The following CFAP54 variants were observed in gnomAD, a reference collection of about 807,000 sequenced individuals.
The protein encoded by CFAP54 is cilia and flagella associated protein 54, also known as cilia- and flagella-associated protein 54.
Under a neutral mutation model 370.4 loss-of-function variants are expected in CFAP54, and 290 were observed. The observed-to-expected ratio is 0.78, with a 90% confidence interval of 0.71 to 0.86. CFAP54 has a LOEUF of 0.86. CFAP54 is among the 40% of genes least tolerant of loss of function. CFAP54 has a pLI of 0.00. For missense variants in CFAP54, 3,399 were observed against 3,528.7 expected (o/e 0.96, Z 0.93); for synonymous variants, 1,206 against 1,236.5 (o/e 0.98, Z 0.52).
At position 96,815,675 on chromosome 12, in the gene CFAP54, TG is replaced by T. The variant is rs1346313383; in HGVS notation, c.8958-2096del. Among the ~76,000 whole-genome samples, 4 of 152,206 alleles carry T rather than the reference TG, an allele frequency of 2.6e-5. No homozygotes were observed. The East Asian group carries it at 7.7e-4, about 29-fold the overall frequency. ...GAATGGTATTGCCTAGGTTTTCTTTTGGGGTTTTTATGGTTTTAGGTTTTAC... is the reference window on the plus strand; with the variant it reads ...GAATGGTATTGCCTAGGTTTTCTTTTGGGTTTTTATGGTTTTAGGTTTTAC... On this transcript the variant is annotated intron_variant, in intron 64 of 67. Transcript: ENST00000524981.
chr12:96,512,884 A>G, intron 4 of CFAP54, 102 bp from the exon 5 acceptor site: 2 of 601,546 alleles, frequency 3.3e-6, no homozygotes, highest in Non-Finnish European at 2.7e-6. Context: ...TCCTCATAAG[A>G]TCACTTGTTT....
chr12:96,784,693 C>CA (rs774946604), intron 60 of CFAP54, 24 bp from the exon 61 acceptor site: 32 of 1,463,236 alleles, frequency 2.2e-5, no homozygotes, highest in Admixed American at 1.0e-4. Context: ...TATTGTATTA[C>CA]AAAAAAAAGT....
At chr12:96,777,040 G>A (rs1052992537) in intron 60 of CFAP54, among the ~76,000 whole-genome samples, 1 of 152,180 alleles carries the variant, frequency 6.6e-6, no homozygotes, top group Non-Finnish European at 1.5e-5. Context: ...TTCCCTGGAA[G>A]TCAGGTATAC....
chr12:96,679,294 A>AT (rs1266410667), intron 39 of CFAP54, among the ~76,000 whole-genome samples: 2 of 151,938 alleles, frequency 1.3e-5, no homozygotes, highest in Non-Finnish European at 2.9e-5. Flanking sequence ...AGATTATTTC[A>AT]TTTTTTATGA....
At chr12:96,822,987 C>T (rs955486586) in intron 65 of CFAP54, among the ~76,000 whole-genome samples, 1 of 152,104 alleles carries the variant, frequency 6.6e-6, no homozygotes, top group East Asian at 1.9e-4. Flanking sequence ...TTCCTATTTC[C>T]CCATTATCTA....
intron 62 of CFAP54, among the ~76,000 whole-genome samples, chr12:96,787,681 GAAAGGATGGATAA>G (rs1958642128): frequency 6.6e-6 from 1 of 152,192 alleles, no homozygotes; most frequent in Admixed American, 6.5e-5. Context: ...AGTTGGTGGA[GAAAGGATGGATAA>G]AGCGTAGTCC....
intron 17 of CFAP54, among the ~76,000 whole-genome samples, chr12:96,558,164 A>T (rs1211372585): frequency 6.6e-6 from 1 of 152,182 alleles, no homozygotes; most frequent in African/African-American, 2.4e-5. Flanking sequence ...AATGTGATTT[A>T]AAACATACAT....
chr12:96,625,171 T>A (rs1956536616), intron 28 of CFAP54, among the ~76,000 whole-genome samples: 1 of 152,178 alleles, frequency 6.6e-6, no homozygotes, highest in African/African-American at 2.4e-5. Flanking sequence ...AATATACACA[T>A]TAAAACTCAT....
At chr12:96,753,399 A>G (rs1218463710) in intron 55 of CFAP54, among the ~76,000 whole-genome samples, 1 of 152,208 alleles carries the variant, frequency 6.6e-6, no homozygotes, top group Non-Finnish European at 1.5e-5. Flanking sequence ...TAAAATTTCC[A>G]GGTGTTTCCC....
intron 26 of CFAP54, among the ~76,000 whole-genome samples, chr12:96,604,427 G>A (rs2136447994): frequency 6.6e-6 from 1 of 152,354 alleles, no homozygotes; most frequent in Non-Finnish European, 1.5e-5. Context: ...ACCCACTTGA[G>A]GAGGCAGTCT....
intron 5 of CFAP54, among the ~76,000 whole-genome samples, chr12:96,518,179 A>G (rs1955261473): frequency 6.6e-6 from 1 of 152,234 alleles, no homozygotes; most frequent in Non-Finnish European, 1.5e-5. Context: ...ACCAAAATCC[A>G]GGTTTATTTG....
chr12:96,784,693 C>A, intron 60 of CFAP54, 24 bp from the exon 61 acceptor site: 3 of 1,463,572 alleles, frequency 2.0e-6, no homozygotes, highest in South Asian at 2.7e-5. Context: ...TATTGTATTA[C>A]AAAAAAAAGT....
At chr12:96,500,539 G>A (rs1836439161) in intron 1 of CFAP54, among the ~76,000 whole-genome samples, 1 of 152,050 alleles carries the variant, frequency 6.6e-6, no homozygotes, top group Non-Finnish European at 1.5e-5. Context: ...CATGTTTGGG[G>A]GCACAGGGTA....
At chr12:96,592,792 A>C (rs977518320) in intron 24 of CFAP54, among the ~76,000 whole-genome samples, 155 bp downstream of exon 24, 3 of 152,178 alleles carry the variant, frequency 2.0e-5, no homozygotes, top group African/African-American at 7.2e-5. Context: ...TATTTCATAT[A>C]AGTTTCACAG....
intron 33 of CFAP54, chr12:96,646,399 T>C (rs2136495455): frequency 6.6e-6 from 1 of 152,288 alleles, no homozygotes; most frequent in Middle Eastern, 3.4e-3. Context: ...CACAATGAGA[T>C]ACCATCTCAC....
chr12:96,843,530 A>G (rs1458923668), intron 66 of CFAP54, among the ~76,000 whole-genome samples: 1 of 152,168 alleles, frequency 6.6e-6, no homozygotes, highest in Non-Finnish European at 1.5e-5. Flanking sequence ...CTGCTGTGCT[A>G]ACAAATAAGC....
chr12:96,593,799 C>T (rs1027447748), intron 24 of CFAP54, among the ~76,000 whole-genome samples: 3 of 151,970 alleles, frequency 2.0e-5, no homozygotes, highest in African/African-American at 7.2e-5. Flanking sequence ...CTTAACTTTA[C>T]ATTTTACTAT....
intron 28 of CFAP54, among the ~76,000 whole-genome samples, chr12:96,625,438 G>A (rs1956540323): frequency 6.6e-6 from 1 of 152,090 alleles, no homozygotes; most frequent in South Asian, 2.1e-4. Flanking sequence ...ATATATGACA[G>A]CTGTTGAAAA....
At chr12:96,569,381 C>T (rs936299188) in intron 19 of CFAP54, among the ~76,000 whole-genome samples, 11 of 152,158 alleles carry the variant, frequency 7.2e-5, no homozygotes, top group African/African-American at 2.7e-4. Context: ...GACTAAAAGA[C>T]CTTAGTTTTG....
Sources: allele counts gnomAD v4.1 joint callset (sites outside exome capture counted in the v4.1 genomes callset), GRCh38; gene constraint gnomAD v4.1.1; transcripts MANE v1.5; gene names NCBI Gene and HGNC (gene_info 2026-07-23, HGNC 2026-07-21).